Variants in SMARCAD1 observed in about 807,000 individuals in gnomAD.
SMARCAD1 encodes the protein SWI/SNF-related matrix-associated actin-dependent regulator of chromatin subfamily A containing DEAD/H box 1.
Under a neutral mutation model 127.1 loss-of-function variants are expected in SMARCAD1, and 25 were observed. The ratio of observed to expected loss-of-function variants is 0.20; its 90% CI spans 0.14 to 0.27. SMARCAD1 has a LOEUF of 0.27. Ranked by LOEUF, SMARCAD1 falls within the 10% of genes least tolerant of loss-of-function variation. SMARCAD1 has a pLI of 1.00. For synonymous variants in SMARCAD1, 400 were observed against 396.9 expected (o/e 1.01, Z -0.09); for missense variants, 807 against 1,206.0 (o/e 0.67, Z 4.90).
In SMARCAD1 at chr4:94,289,649, A is replaced by C. The variant is rs1213726146; in HGVS notation, c.*115A>C. 3 of 1,031,244 alleles carry C rather than the reference A, an allele frequency of 2.9e-6. No individual in the cohort carries two copies. The allele number at this position is 1,031,244 out of a possible 1,614,324, so 63.9% of individuals were successfully genotyped here. ...ACATTTATAACTTTTTATAATTTCC[A>C]TATTACATTTCTCATAGTATGGACA... is the stretch of plus-strand genomic sequence containing the variant. On this transcript the variant is annotated 3_prime_UTR_variant, in exon 24 of 24. Coordinates refer to ENST00000354268, the MANE Select transcript of SMARCAD1 (RefSeq NM_020159.5).
chr4:94,276,609 C>G, intron 15 of SMARCAD1, 135 bp downstream of exon 15: 1 of 1,100,038 alleles, frequency 9.1e-7, no homozygotes, highest in Non-Finnish European at 1.3e-6. Context: ...CAAGTTTTTT[C>G]TGTAAAAGGG....
chr4:94,284,730 G>A (rs1271961861), intron 22 of SMARCAD1, among the ~76,000 whole-genome samples: 1 of 152,044 alleles, frequency 6.6e-6, no homozygotes, highest in African/African-American at 2.4e-5. Flanking sequence ...ACTGTGCCCA[G>A]TCAGTAATTT....
At chr4:94,271,490 A>C (rs1246724699) in intron 11 of SMARCAD1, among the ~76,000 whole-genome samples, 2 of 152,204 alleles carry the variant, frequency 1.3e-5, no homozygotes, top group East Asian at 3.8e-4. Context: ...TGTTCAGCAA[A>C]GAAAATGTTA....
intron 6 of SMARCAD1, among the ~76,000 whole-genome samples, chr4:94,241,796 A>G (rs1326501006): frequency 6.6e-6 from 1 of 152,142 alleles, no homozygotes; most frequent in Non-Finnish European, 1.5e-5. Context: ...ATCTTGGTGT[A>G]GAAAGTCTTA....
At chr4:94,252,561 A>G (rs1421592708) in intron 8 of SMARCAD1, 55 bp from the exon 9 acceptor site, 10 of 1,221,000 alleles carry the variant, frequency 8.2e-6, no homozygotes, top group African/African-American at 7.7e-5. Flanking sequence ...TTTGAAGTCT[A>G]TCTTTATATT....
rs374058320 is a variant in SMARCAD1, at chr4:94,208,506, C to G, written c.112C>G (p.Leu38Val). The G allele has an allele frequency of 1.9e-6, 3 of 1,613,992 alleles. No individual in the cohort carries two copies. The highest frequency in any genetic ancestry group is 2.5e-6 in the Non-Finnish European group (3 of 1,180,022). The change falls in exon 2 of 24, where the codon CTT (leucine) becomes GTT (valine). Residue 38 changes from leucine to valine, a missense_variant. This residue lies in a region of SMARCAD1 where 175 missense variants were observed against 169.5 expected (regional missense o/e 1.03). Transcript: ENST00000354268. ...SQPGPSSPIS[L>V]SAEEENAEGE... The stretch of plus-strand genomic sequence containing the variant: ...GCCTGGCCCTTCTTCACCAATTTCT[C>G]TTAGTGCTGAAGAGGAGAATGCTGA...
Position 94,252,684 on chromosome 4 carries a change from C to T in SMARCAD1, c.958C>T (p.Pro320Ser), listed in dbSNP as rs1490716081. The change falls in exon 9 of 24, where the codon CCT becomes TCT. Residue 320 changes from proline to serine, a missense_variant. This residue lies in a region of SMARCAD1 where 257 missense variants were observed against 303.4 expected (regional missense o/e 0.85). Transcript: ENST00000354268. ...AGTTTCTTCAAGAAGTCAAAATTAC[C>T]CTAAAAATGCAACTAAAACAAAACT... is the stretch of plus-strand genomic sequence containing the variant. ...KEVSSRSQNY[P>S]KNATKTKLKQ... The T allele has an allele frequency of 6.3e-7, 1 of 1,582,702 alleles. No homozygotes were observed. The highest frequency in any genetic ancestry group is 2.3e-5 in the East Asian group (1 of 44,418).
intron 23 of SMARCAD1, among the ~76,000 whole-genome samples, 170 bp from the exon 24 acceptor site, chr4:94,289,303 C>T (rs1755393206): frequency 6.6e-6 from 1 of 151,824 alleles, no homozygotes; most frequent in African/African-American, 2.4e-5. Context: ...AGGAAATAGC[C>T]CTAATCTAAG....
At position 94,252,917 on chromosome 4, in the gene SMARCAD1, A is replaced by T; in HGVS notation, c.1191A>T (p.Ser397=). ...TTCTTCACTTCCTTCAAGATGCTTC[A>T]ATTGGTGAACTTACTTTGATTCCTC... ...GKILHFLQDA[S]IGELTLIPQC... is the part of the protein sequence containing the mutation. The change falls in exon 9 of 24, where the codon TCA becomes TCT. Residue 397 remains serine (S), a synonymous_variant. Coordinates refer to ENST00000354268, the MANE Select transcript of SMARCAD1 (RefSeq NM_020159.5). The T allele has an allele frequency of 6.2e-7, 1 of 1,614,130 alleles. No homozygotes were observed. The highest frequency in any genetic ancestry group is 8.5e-7 in the Non-Finnish European group (1 of 1,180,006).
chr4:94,279,449 A>G (rs1425574508), intron 19 of SMARCAD1, among the ~76,000 whole-genome samples: 2 of 152,238 alleles, frequency 1.3e-5, no homozygotes, highest in Non-Finnish European at 2.9e-5. Flanking sequence ...CACGAAAAAC[A>G]CATTTTAGAC....
In SMARCAD1 at chr4:94,207,878, G is replaced by T. The variant is rs369130807; in HGVS notation, c.-242G>T. On this transcript the variant is annotated 5_prime_UTR_variant, in exon 1 of 24. Coordinates refer to ENST00000354268, the MANE Select transcript of SMARCAD1 (RefSeq NM_020159.5). ...TGGGATCGCGCCGCGTCAACTTCCGGGCGGATGCCCGCCAGCACGGCCTCC... is the reference window on the plus strand; with the variant it reads ...TGGGATCGCGCCGCGTCAACTTCCGTGCGGATGCCCGCCAGCACGGCCTCC... 4 of 332,566 alleles carry T rather than the reference G, an allele frequency of 1.2e-5. No individual in the cohort carries two copies. 20.6% of individuals were successfully genotyped at this position (332,566 alleles called of 1,614,324 possible).
At chr4:94,217,129 C>A (rs1743318969) in intron 2 of SMARCAD1, among the ~76,000 whole-genome samples, 1 of 152,122 alleles carries the variant, frequency 6.6e-6, no homozygotes, top group South Asian at 2.1e-4. Flanking sequence ...ACATAATGGA[C>A]ATGAGTTTGT....
chr4:94,243,470 C>T (rs1329554867), intron 6 of SMARCAD1, among the ~76,000 whole-genome samples: 3 of 152,186 alleles, frequency 2.0e-5, no homozygotes, highest in East Asian at 1.9e-4. Context: ...GATCACATAA[C>T]GGCTCAAGTC....
chr4:94,250,114 A>T (rs1478017428), intron 7 of SMARCAD1, among the ~76,000 whole-genome samples: 1 of 151,944 alleles, frequency 6.6e-6, no homozygotes, highest in Non-Finnish European at 1.5e-5. Context: ...CAAGAATTTA[A>T]AAAGTATTCC....
intron 9 of SMARCAD1, chr4:94,253,511 C>G: frequency 8.9e-7 from 1 of 1,128,286 alleles, no homozygotes; most frequent in South Asian, 2.1e-5. Flanking sequence ...TTCTTTTTTT[C>G]TTCTAAAAGT....
intron 2 of SMARCAD1, chr4:94,213,020 CT>C (rs1372465525): frequency 1.6e-6 from 2 of 1,212,556 alleles, no homozygotes; most frequent in Admixed American, 4.6e-5. Context: ...TTTTCTTTGA[CT>C]TTTGGGAGTA....
At chr4:94,213,282 CA>C (rs940350163) in intron 2 of SMARCAD1, 5 of 363,586 alleles carry the variant, frequency 1.4e-5, no homozygotes, top group African/African-American at 8.5e-5. Flanking sequence ...GGGAGGATCA[CA>C]AAAAGTCACA....
intron 19 of SMARCAD1, among the ~76,000 whole-genome samples, chr4:94,279,292 A>C (rs1191002035): frequency 6.6e-6 from 1 of 152,090 alleles, no homozygotes; most frequent in Non-Finnish European, 1.5e-5. Flanking sequence ...GACTACAGGC[A>C]CGCACCACCA....
At chr4:94,240,436 T>A (rs764522931) in intron 5 of SMARCAD1, among the ~76,000 whole-genome samples, 1 of 152,188 alleles carries the variant, frequency 6.6e-6, no homozygotes, top group Non-Finnish European at 1.5e-5. Context: ...GTTACCTACT[T>A]TGTAGGTTTG....
Sources: gnomAD v4.1 joint callset for allele counts (sites outside exome capture counted in the v4.1 genomes callset) on GRCh38, gnomAD v4.1.1 for gene constraint, gnomAD v4.1.1 regional missense constraint, MANE v1.5 for transcripts, NCBI Gene and HGNC (gene_info 2026-07-23, HGNC 2026-07-21) for gene names.